GRIA4: variants seen among roughly 807,000 people sequenced by gnomAD.
GRIA4 encodes glutamate ionotropic receptor AMPA type subunit 4.
A neutral mutation model predicts 104.0 loss-of-function variants in GRIA4; 34 were observed. That is an observed-to-expected ratio of 0.33 (90% CI 0.25 to 0.44). The LOEUF (loss-of-function observed/expected upper bound fraction) is 0.44, where lower values mean the gene tolerates loss of function less well. Among genes scored for constraint, GRIA4 ranks in the 20% least tolerant of loss-of-function variants. The probability of loss-of-function intolerance (pLI) is 1.00; values close to 1 mark genes in which losing one functional copy is unlikely to be tolerated. For synonymous variants in GRIA4, 386 were observed against 381.9 expected (o/e 1.01, Z -0.13); for missense variants, 750 against 1,096.5 (o/e 0.68, Z 4.46).
At chr11:105,711,980 A>C (rs1299895011) in intron 3 of GRIA4, among the ~76,000 whole-genome samples, 1 of 152,184 alleles carries the variant, frequency 6.6e-6, no homozygotes, top group Non-Finnish European at 1.5e-5. Flanking sequence ...GGCAGGAAAT[A>C]AATGTCTAAA....
At chr11:105,885,104 G>A (rs1946206878) in intron 5 of GRIA4, among the ~76,000 whole-genome samples, 1 of 152,172 alleles carries the variant, frequency 6.6e-6, no homozygotes, top group Non-Finnish European at 1.5e-5. Context: ...CCAAATAGCA[G>A]GAATCTGTAG....
chr11:105,943,531 T>C (rs776238779), intron 14 of GRIA4, among the ~76,000 whole-genome samples: 42 of 152,200 alleles, frequency 2.8e-4, no homozygotes, highest in Non-Finnish European at 4.3e-4. Context: ...GAGAAGGTGA[T>C]TACTAAGGGC....
intron 9 of GRIA4, among the ~76,000 whole-genome samples, chr11:105,909,637 TTGTC>T: frequency 6.6e-6 from 1 of 152,282 alleles, no homozygotes; most frequent in East Asian, 1.9e-4. Context: ...ATTGAGTACA[TTGTC>T]TGCCTCAGAG....
rs186788839 is a variant in GRIA4 at position 105,870,745 on chromosome 11, C to T, written c.672+8537C>T. The stretch of plus-strand genomic sequence containing the variant: ...TGAGATTGCCAAGGCAAATTAAAGG[C>T]AGATTATGAGTGGCCTCATGGGCTT... On this transcript the variant is annotated intron_variant, in intron 5 of 16. Transcript: ENST00000282499. Among the ~76,000 whole-genome samples, 108 of 152,142 alleles carry T rather than the reference C, an allele frequency of 7.1e-4. 1 individual carries two copies. Among genetic ancestry groups the T allele is most frequent in the African/African-American group, 2.5e-3 (105 of 41,534 alleles).
At chr11:105,812,511 T>G (rs1363999548) in intron 4 of GRIA4, among the ~76,000 whole-genome samples, 4 of 152,176 alleles carry the variant, frequency 2.6e-5, no homozygotes, top group African/African-American at 9.7e-5. Flanking sequence ...ACATAACTTT[T>G]ATGAACCAAA....
chr11:105,621,390 T>C (rs1950741472), intron 3 of GRIA4, among the ~76,000 whole-genome samples: 2 of 151,620 alleles, frequency 1.3e-5, no homozygotes, highest in African/African-American at 4.8e-5. Flanking sequence ...GACTTTTTTT[T>C]TTTCTGTATA....
At chr11:105,659,075 T>C (rs1266934752) in intron 3 of GRIA4, among the ~76,000 whole-genome samples, 2 of 152,002 alleles carry the variant, frequency 1.3e-5, no homozygotes. Flanking sequence ...TCAATGAACT[T>C]GGCCAAAGTC....
intron 5 of GRIA4, among the ~76,000 whole-genome samples, chr11:105,871,839 T>C (rs1945628591): frequency 6.6e-6 from 1 of 152,122 alleles, no homozygotes; most frequent in African/African-American, 2.4e-5. Context: ...ATATTGAAGA[T>C]TACTTCCAAA....
chr11:105,958,741 CTGGTACTGGT>C (rs1272460881), intron 14 of GRIA4, among the ~76,000 whole-genome samples: 1 of 152,064 alleles, frequency 6.6e-6, no homozygotes, highest in East Asian at 1.9e-4. Flanking sequence ...TTTGCAGTGG[CTGGTACTGGT>C]TTTTCCCTTC....
At chr11:105,768,254 C>A (rs1391956176) in intron 4 of GRIA4, among the ~76,000 whole-genome samples, 1 of 151,848 alleles carries the variant, frequency 6.6e-6, no homozygotes, top group Non-Finnish European at 1.5e-5. Context: ...TATGCATGTG[C>A]CAGTTTTCTT....
intron 4 of GRIA4, among the ~76,000 whole-genome samples, chr11:105,780,703 T>C (rs898777169): frequency 9.8e-5 from 15 of 152,290 alleles, no homozygotes; most frequent in African/African-American, 3.6e-4. Flanking sequence ...AATTAATATA[T>C]GAATTTGTAT....
chr11:105,928,740 T>C (rs1442505193), intron 13 of GRIA4, among the ~76,000 whole-genome samples: 1 of 152,082 alleles, frequency 6.6e-6, no homozygotes, highest in Non-Finnish European at 1.5e-5. Context: ...AATGCTATAT[T>C]GATTCTGTGA....
At chr11:105,890,150 A>AAATTTACCAAAAAGAGAACAATGAAAT (rs1225352283) in intron 6 of GRIA4, among the ~76,000 whole-genome samples, 1 of 152,222 alleles carries the variant, frequency 6.6e-6, no homozygotes. Context: ...TTCAGCAGAC[A>AAATTTACCAAAAAGAGAACAATGAAAT]TCAATATGGG....
intron 4 of GRIA4, among the ~76,000 whole-genome samples, chr11:105,778,099 AG>A (rs1318704692): frequency 6.6e-6 from 1 of 152,224 alleles, no homozygotes; most frequent in Non-Finnish European, 1.5e-5. Context: ...GAACTGAACC[AG>A]GTAAAGTCCT....
intron 3 of GRIA4, among the ~76,000 whole-genome samples, chr11:105,685,719 C>G (rs1328876088): frequency 2.0e-5 from 3 of 151,888 alleles, no homozygotes; most frequent in Non-Finnish European, 4.4e-5. Flanking sequence ...AAAGCACTGA[C>G]AAATATATGA....
chr11:105,622,536 C>T (rs1187353624), intron 3 of GRIA4, among the ~76,000 whole-genome samples: 3 of 151,664 alleles, frequency 2.0e-5, no homozygotes, highest in Non-Finnish European at 4.4e-5. Flanking sequence ...GATAGTCTTG[C>T]TTCTTCTATT....
intron 4 of GRIA4, among the ~76,000 whole-genome samples, chr11:105,761,903 C>A (rs1380672076): frequency 1.3e-5 from 2 of 152,160 alleles, no homozygotes; most frequent in Non-Finnish European, 2.9e-5. Context: ...AAAAGGTTAA[C>A]CTGTGTTAAA....
intron 5 of GRIA4, among the ~76,000 whole-genome samples, chr11:105,873,896 G>C (rs1337507893): frequency 1.3e-5 from 2 of 152,164 alleles, no homozygotes; most frequent in Non-Finnish European, 2.9e-5. Context: ...AGTTTCTTTT[G>C]CTCTGCAGAA....
chr11:105,889,037 G>A (rs960026893), intron 6 of GRIA4, among the ~76,000 whole-genome samples: 4 of 152,062 alleles, frequency 2.6e-5, no homozygotes, highest in Non-Finnish European at 4.4e-5. Flanking sequence ...TGTACAATGA[G>A]ACTCTAATGA....
Sources: allele counts gnomAD v4.1 joint callset (sites outside exome capture counted in the v4.1 genomes callset), GRCh38; gene constraint gnomAD v4.1.1; transcripts MANE v1.5; gene names NCBI Gene and HGNC (gene_info 2026-07-23, HGNC 2026-07-21).